The following VPS52 variants were observed in gnomAD, a reference collection of about 807,000 sequenced individuals.
VPS52 encodes the protein VPS52 subunit of GARP complex.
VPS52 carries 56 observed loss-of-function variants against 98.7 expected under a neutral mutation model. The observed-to-expected ratio is 0.57, with a 90% CI of 0.46 to 0.71. VPS52 has a LOEUF of 0.71. Among genes scored for constraint, VPS52 ranks in the 30% least tolerant of loss-of-function variants. The pLI is 0.00. For missense variants in VPS52, 742 were observed against 925.9 expected, an observed-to-expected ratio of 0.80 and a Z score of 2.58; for synonymous variants, 348 against 346.4, an observed-to-expected ratio of 1.00 and a Z score of -0.05.
chr6:33,260,571 A>G (rs1763507485), intron 17 of VPS52, among the ~76,000 whole-genome samples: 1 of 152,204 alleles, frequency 6.6e-6, no homozygotes, highest in African/African-American at 2.4e-5. Context: ...TCTCGTGCAC[A>G]GGTACTCGTT....
chr6:33,266,777 T>C (rs1448387391), intron 11 of VPS52, 65 bp from the exon 12 acceptor site: 20 of 1,538,960 alleles, frequency 1.3e-5, no homozygotes, highest in Non-Finnish European at 1.7e-5. Flanking sequence ...TTCCCATGGA[T>C]ATGGCTGGAA....
Position 33,267,364 on chromosome 6 carries a change from G to A in VPS52, c.992-43C>T. The A allele has an allele frequency of 6.5e-7, 1 of 1,530,018 alleles. No individual in the cohort carries two copies. The highest frequency in any genetic ancestry group is 8.8e-7 in the Non-Finnish European group (1 of 1,138,882). 94.8% of individuals were successfully genotyped at this position (1,530,018 alleles called of 1,614,324 possible). ...CAGGGAAAACAATGAGACCATAACT[G>A]GGCCCAAAGACTCACTATCTGTGGG... On this transcript the variant is annotated intron_variant, in intron 10 of 19. Coordinates refer to ENST00000445902, the MANE Select transcript of VPS52 (RefSeq NM_022553.6). This position sits in a 1 kb window ranked among gnomAD's most constrained non-coding sequence, Gnocchi z 4.2.
intron 17 of VPS52, among the ~76,000 whole-genome samples, chr6:33,252,624 C>G (rs6937500): frequency 5.0e-4 from 72 of 144,818 alleles, no homozygotes; most frequent in African/African-American, 1.7e-3. Context: ...GTAAAAATGA[C>G]CAATTAGTAA....
At position 33,250,619 on chromosome 6, in the gene VPS52, A is replaced by G. The variant is rs1040300954; in HGVS notation, c.*222T>C. The G allele has an allele frequency of 1.4e-5, 8 of 562,220 alleles. No homozygotes were observed. The highest frequency in any genetic ancestry group is 2.1e-5 in the Non-Finnish European group (7 of 326,528). 34.8% of individuals were successfully genotyped at this position (562,220 alleles called of 1,614,324 possible). ...AGGCCATTTTGGAAGCCCACAGGGA[A>G]GTGGTCTTGGGAAACCTGAAGACAC... On this transcript the variant is annotated 3_prime_UTR_variant, in exon 20 of 20. Coordinates refer to ENST00000445902, the MANE Select transcript of VPS52 (RefSeq NM_022553.6).
At position 33,250,603 on chromosome 6, in the gene VPS52, T is replaced by C; in HGVS notation, c.*238A>G. 1.9e-6 allele frequency: 1 copy of C among 526,816 alleles called. No homozygotes were observed. Among genetic ancestry groups the C allele is most frequent in the Non-Finnish European group, 3.3e-6 (1 of 301,652 alleles). 32.6% of individuals were successfully genotyped at this position (526,816 alleles called of 1,614,324 possible). On this transcript the variant is annotated 3_prime_UTR_variant, in exon 20 of 20. Coordinates refer to ENST00000445902, the MANE Select transcript of VPS52 (RefSeq NM_022553.6). ...ACTGGAGAAATGATAAAGGCCATTT[T>C]GGAAGCCCACAGGGAAGTGGTCTTG...
At chr6:33,257,766 G>A (rs1331819213) in intron 17 of VPS52, among the ~76,000 whole-genome samples, 3 of 152,204 alleles carry the variant, frequency 2.0e-5, no homozygotes, top group African/African-American at 7.2e-5. Flanking sequence ...CCAGCACTTT[G>A]GGAGGCTGAT....
intron 17 of VPS52, among the ~76,000 whole-genome samples, chr6:33,261,379 A>C (rs1463561142): frequency 6.6e-6 from 1 of 151,920 alleles, no homozygotes; most frequent in Non-Finnish European, 1.5e-5. Flanking sequence ...AGGCAGGAGA[A>C]TCACTTGAAC....
intron 17 of VPS52, among the ~76,000 whole-genome samples, chr6:33,263,119 C>G (rs769013098): frequency 6.6e-6 from 1 of 151,602 alleles, no homozygotes; most frequent in Non-Finnish European, 1.5e-5. Flanking sequence ...AAAAAATTAG[C>G]TAGGCATGGT....
intron 16 of VPS52, 53 bp downstream of exon 16, chr6:33,263,719 G>A: frequency 1.2e-6 from 2 of 1,607,302 alleles, no homozygotes; most frequent in Non-Finnish European, 8.5e-7. Flanking sequence ...TAACAGCAGT[G>A]GGGGAAACCG....
rs1414215718 is a variant in VPS52 at position 33,264,814 on chromosome 6, A to G, written c.1368T>C (p.Ile456=). 1 of 1,613,032 alleles carries G rather than the reference A, an allele frequency of 6.2e-7. No individual in the cohort carries two copies. The highest frequency in any genetic ancestry group is 2.2e-5 in the East Asian group (1 of 44,898). ...GGGCAGGAACATCCCTCTTTGCTGC[A>G]ATGTTACGGAACCGGAGAACAATGT... ...CIHIVLRFRN[I]AAKRDVPALD... is the part of the protein sequence containing the mutation. Residue 456 remains isoleucine, a synonymous_variant, in exon 13 of 20, where the codon ATT becomes ATC. Transcript: ENST00000445902.
At chr6:33,262,494 T>C (rs978925149) in intron 17 of VPS52, among the ~76,000 whole-genome samples, 2 of 152,216 alleles carry the variant, frequency 1.3e-5, no homozygotes, top group African/African-American at 4.8e-5. Context: ...AGAGCTACCA[T>C]ATGATTCAGC....
intron 17 of VPS52, 76 bp from the exon 18 acceptor site, chr6:33,252,047 G>A (rs373205515): frequency 2.8e-5 from 34 of 1,198,854 alleles, no homozygotes; most frequent in African/African-American, 2.3e-4. Flanking sequence ...CATGACTAAT[G>A]TAGATCCATC....
In VPS52 at chr6:33,270,207, T is replaced by G; in HGVS notation, c.167A>C (p.Glu56Ala). 6.2e-7 allele frequency: 1 copy of G among 1,612,998 alleles called. No individual in the cohort carries two copies. The highest frequency in any genetic ancestry group is 8.5e-7 in the Non-Finnish European group (1 of 1,179,070). The change falls in exon 2 of 20, where the codon GAA becomes GCA. Residue 56 changes from glutamate (E) to alanine (A), a missense_variant. By Grantham distance (107) the Glu-to-Ala change is moderately radical. Around this residue, in one of 2 missense-constraint regions of VPS52, gnomAD observed 152 missense variants for 132.6 expected, o/e 1.15. Coordinates refer to ENST00000445902, the MANE Select transcript of VPS52 (RefSeq NM_022553.6). ...DITSDEFILD[E>A]VDVHIQANLE... is the part of the protein sequence containing the mutation. Reference sequence around the variant, plus strand: ...CCCATGCCATCGCTTACCATCCACTTCATCCAGGATGAATTCATCAGAAGT... The same window carrying G: ...CCCATGCCATCGCTTACCATCCACTGCATCCAGGATGAATTCATCAGAAGT...
chr6:33,270,283 C>G lies in VPS52; in HGVS notation c.91G>C (p.Ala31Pro), dbSNP rs375803351. 5 of 1,610,480 alleles carry G rather than the reference C, an allele frequency of 3.1e-6. No individual in the cohort carries two copies. The African/African-American group carries it at 6.7e-5, about 22-fold the overall frequency. The change falls in exon 2 of 20, where the codon GCG (alanine) becomes CCG (proline). Residue 31 changes from alanine to proline, a missense_variant and splice_region_variant. Physicochemically the swap from Ala to Pro is conservative, Grantham distance 27 (BLOSUM62 -1). Transcript: ENST00000445902. ...SDMEEEEGPL[A>P]GGPGLQEPLQ... ...GGTTCCTGGAGCCCAGGACCACCCG[C>G]CTGGAAAGGGATAAGTTAATGGGAG...
In VPS52 at chr6:33,268,447, C is replaced by A; in HGVS notation, c.699+52G>T. 6.5e-7 allele frequency: 1 copy of A among 1,543,928 alleles called. No homozygotes were observed. Among genetic ancestry groups the A allele is most frequent in the South Asian group, 1.2e-5 (1 of 80,072 alleles). ...TGCCAAGGAAATCCATAGTGAAGAT[C>A]TTGGGAAGGCTGCTTCCAGTAGCCT... On this transcript the variant is annotated intron_variant, in intron 7 of 19. Coordinates refer to ENST00000445902, the MANE Select transcript of VPS52 (RefSeq NM_022553.6). This position sits in a 1 kb window ranked among gnomAD's most constrained non-coding sequence, Gnocchi z 4.0.
chr6:33,266,694 A>G lies in VPS52; in HGVS notation c.1144T>C (p.Phe382Leu). 6.2e-7 allele frequency: 1 copy of G among 1,611,184 alleles called. No individual in the cohort carries two copies. The highest frequency in any genetic ancestry group is 8.5e-7 in the Non-Finnish European group (1 of 1,179,018). Residue 382 changes from phenylalanine (F) to leucine (L), a missense_variant, in exon 12 of 20, where the codon TTC becomes CTC. Phe to Leu is a conservative substitution (Grantham distance 22, BLOSUM62 0). Around this residue, in one of 2 missense-constraint regions of VPS52, gnomAD observed 590 missense variants for 793.3 expected, o/e 0.74. Transcript: ENST00000445902. ...AGGAGGGCGTAGTGCTGGCTGCGGA[A>G]GAGGGCCTCAAATGGATACTGGGAG... is the stretch of plus-strand genomic sequence containing the variant. The part of the protein sequence containing the change: ...GEQRYPFEAL[F>L]RSQHYALLDN...
At chr6:33,263,904 G>A (rs773748398) in intron 15 of VPS52, 25 bp from the exon 16 acceptor site, 6 of 1,613,854 alleles carry the variant, frequency 3.7e-6, no homozygotes, top group Admixed American at 1.7e-5. Context: ...AGGAAGAGGT[G>A]ACACCAGAAA....
At chr6:33,269,590 G>T in intron 4 of VPS52, 33 bp from the exon 5 acceptor site, 7 of 1,597,516 alleles carry the variant, frequency 4.4e-6, no homozygotes, top group Non-Finnish European at 6.0e-6. Flanking sequence ...GCCTCATGGT[G>T]AAGATGGGAG....
Position 33,271,713 on chromosome 6 carries a change from C to T in VPS52, c.-38G>A, listed in dbSNP as rs1053725780. The T allele has an allele frequency of 6.3e-7, 1 of 1,576,838 alleles. No individual in the cohort carries two copies. The highest frequency in any genetic ancestry group is 8.6e-7 in the Non-Finnish European group (1 of 1,159,964). ...CACTTCCGGCAACTGTCAGTCCCGGCGAGTCCGTTCCCCGGAGTGGAGCTA... is the reference window on the plus strand; with the variant it reads ...CACTTCCGGCAACTGTCAGTCCCGGTGAGTCCGTTCCCCGGAGTGGAGCTA... On this transcript the variant is annotated 5_prime_UTR_variant, in exon 1 of 20. Coordinates refer to ENST00000445902, the MANE Select transcript of VPS52 (RefSeq NM_022553.6).
Sources: gnomAD v4.1 joint callset for allele counts (sites outside exome capture counted in the v4.1 genomes callset) on GRCh38, gnomAD v4.1.1 for gene constraint, gnomAD v4.1.1 regional missense constraint, Gnocchi (gnomAD v3.1) non-coding constraint, MANE v1.5 for transcripts, NCBI Gene and HGNC (gene_info 2026-07-23, HGNC 2026-07-21) for gene names.